The following SAMMSON variants were observed in gnomAD, a reference collection of about 807,000 sequenced individuals.
SAMMSON encodes the protein long intergenic non-protein coding RNA 1212.
intron 9 of SAMMSON, among the ~76,000 whole-genome samples, chr3:70,384,814 C>T (rs754838057): frequency 1.4e-4 from 22 of 151,852 alleles, no homozygotes; most frequent in Non-Finnish European, 2.9e-4. Context: ...GGATTTTTTT[C>T]GTCTATCCAA....
rs373800327 is a variant in SAMMSON at position 70,234,211 on chromosome 3, A to G, written n.508-14896A>G. ...GACAATTCCACTTTTCAAGTATTCT[A>G]GACACTTAGAGGGCTGGGTTGACAC... On this transcript the variant is annotated intron_variant and non_coding_transcript_variant, in intron 4 of 9. Transcript: ENST00000642114. 5.3e-5 allele frequency among the ~76,000 whole-genome samples: 8 copies of G among 152,328 alleles called. No homozygotes were observed. In the East Asian group the frequency reaches 1.5e-3, roughly 29 times the overall value.
Position 70,366,001 on chromosome 3 carries a change from T to TTTTTTTC in SAMMSON, n.913+7677_913+7678insTTTTTTC, listed in dbSNP as rs1362861416. 1.7e-3 allele frequency among the ~76,000 whole-genome samples: 38 copies of TTTTTTTC among 21,796 alleles called. 5 individuals carry two copies. The highest frequency in any genetic ancestry group is 5.5e-3 in the African/African-American group (33 of 5,950). The allele number at this position is 21,796 out of a possible 152,430, so 14.3% of individuals were successfully genotyped here. A position where few individuals can be genotyped will look rare whatever the true frequency, so the allele number is the denominator to read the frequency against. On this transcript the variant is annotated intron_variant and non_coding_transcript_variant, in intron 9 of 9. Coordinates refer to ENST00000642114, the Ensembl canonical transcript of SAMMSON. ...TTTTTTTTTTTTTTTTTTTTTTTTT[T>TTTTTTTC]GAGACGGAGTCTCGCTCTGTCGCCC...
At chr3:70,387,495 C>G (rs1435937318) in intron 9 of SAMMSON, among the ~76,000 whole-genome samples, 1 of 151,968 alleles carries the variant, frequency 6.6e-6, no homozygotes, top group East Asian at 1.9e-4. Context: ...TATTTTTTCA[C>G]TCAGACAATT....
chr3:70,111,836 G>A (rs1020928225), intron 4 of SAMMSON, among the ~76,000 whole-genome samples: 3 of 152,042 alleles, frequency 2.0e-5, no homozygotes, highest in African/African-American at 4.8e-5. Flanking sequence ...AGAGGAGAGA[G>A]GGGAAAGGGA....
At position 70,236,654 on chromosome 3, in the gene SAMMSON, G is replaced by A. The variant is rs1522339; in HGVS notation, n.508-12453G>A. On this transcript the variant is annotated intron_variant and non_coding_transcript_variant, in intron 4 of 9. Transcript: ENST00000642114. ...TCTGTCACCCAGGCTGGAGTGCAGC[G>A]GCACAATCATGGCTCGCTGCAGTCT... 4.8e-3 allele frequency among the ~76,000 whole-genome samples: 736 copies of A among 152,146 alleles called. 9 individuals are homozygous for A. Among genetic ancestry groups the A allele is most frequent in the African/African-American group, 0.016 (669 of 41,510 alleles).
intron 4 of SAMMSON, chr3:70,173,062 T>A (rs780076685): frequency 4.0e-5 from 6 of 151,872 alleles, no homozygotes; most frequent in Non-Finnish European, 8.8e-5. Context: ...CATATAGGGA[T>A]TGGGAGGACA....
At chr3:70,233,954 G>A (rs763221845) in intron 4 of SAMMSON, among the ~76,000 whole-genome samples, 7 of 152,104 alleles carry the variant, frequency 4.6e-5, no homozygotes, top group Non-Finnish European at 8.8e-5. Context: ...GAAAATTCCC[G>A]TGCAAGTTTT....
chr3:70,396,672 G>A (rs1701096251), intron 2 of SAMMSON, among the ~76,000 whole-genome samples: 1 of 152,132 alleles, frequency 6.6e-6, no homozygotes, highest in Non-Finnish European at 1.5e-5. Flanking sequence ...ATCTGTCTTG[G>A]AAATGTAAAT....
intron 9 of SAMMSON, among the ~76,000 whole-genome samples, chr3:70,361,117 G>C (rs1246131589): frequency 2.0e-5 from 3 of 152,068 alleles, no homozygotes; most frequent in Admixed American, 2.0e-4. Context: ...GTAATCCTGG[G>C]TTTTCTGACT....
chr3:70,401,692 A>T (rs974926893), intron 2 of SAMMSON, among the ~76,000 whole-genome samples: 1 of 152,076 alleles, frequency 6.6e-6, no homozygotes, highest in Admixed American at 6.5e-5. Context: ...TAGTCTAAGG[A>T]TCTATTCCTT....
intron 9 of SAMMSON, among the ~76,000 whole-genome samples, chr3:70,373,298 A>G (rs1702986353): frequency 6.6e-6 from 1 of 152,158 alleles, no homozygotes; most frequent in Non-Finnish European, 1.5e-5. Context: ...TGTAGAAAAT[A>G]TTCCACTTCT....
intron 1 of SAMMSON, among the ~76,000 whole-genome samples, chr3:70,006,562 T>G (rs757450550): frequency 1.3e-5 from 2 of 152,218 alleles, no homozygotes; most frequent in Non-Finnish European, 2.9e-5. Context: ...CTACCACTCC[T>G]ATGCTACTTC....
intron 6 of SAMMSON, among the ~76,000 whole-genome samples, chr3:70,287,334 G>T (rs1702176816): frequency 6.9e-6 from 1 of 145,524 alleles, no homozygotes; most frequent in African/African-American, 2.6e-5. Context: ...TTTTGTCTTT[G>T]GCTGTGTTTA....
chr3:70,346,241 C>G (rs536916963), intron 7 of SAMMSON, among the ~76,000 whole-genome samples: 1 of 149,718 alleles, frequency 6.7e-6, no homozygotes, highest in Non-Finnish European at 1.5e-5. Context: ...TGATGTGCAT[C>G]TTTTCATATG....
At chr3:70,367,931 T>A (rs1702934271) in intron 9 of SAMMSON, among the ~76,000 whole-genome samples, 1 of 151,336 alleles carries the variant, frequency 6.6e-6, no homozygotes, top group Admixed American at 6.6e-5. Flanking sequence ...TTTGTCTATT[T>A]GGTAATATTT....
exon 10 of SAMMSON, chr3:70,389,650 G>C (rs1438452361): frequency 6.6e-6 from 1 of 152,076 alleles, no homozygotes; most frequent in Non-Finnish European, 1.5e-5. Context: ...GTGACATCTT[G>C]AGACATCTGA....
At chr3:70,286,655 G>T (rs1407282277) in intron 6 of SAMMSON, among the ~76,000 whole-genome samples, 3 of 151,982 alleles carry the variant, frequency 2.0e-5, no homozygotes, top group African/African-American at 7.3e-5. Context: ...TGGGCAGTGT[G>T]GCCATTTTCA....
chr3:70,239,380 C>T (rs560997879), intron 4 of SAMMSON, among the ~76,000 whole-genome samples: 7 of 152,298 alleles, frequency 4.6e-5, no homozygotes, highest in South Asian at 2.1e-4. Context: ...GAGTTCTCAA[C>T]GCTTCTCCAC....
chr3:70,127,117 C>T (rs762196381), intron 4 of SAMMSON: 10 of 152,276 alleles, frequency 6.6e-5, no homozygotes, highest in Non-Finnish European at 1.3e-4. Context: ...TAAATTATGA[C>T]AAAGGCTGTA....
Sources: gnomAD v4.1 joint callset for allele counts (sites outside exome capture counted in the v4.1 genomes callset) on GRCh38, gnomAD v4.1.1 for gene constraint, MANE v1.5 for transcripts, NCBI Gene and HGNC (gene_info 2026-07-23, HGNC 2026-07-21) for gene names.